Variants in CHRM3 observed in about 807,000 individuals in gnomAD.
CHRM3 encodes the protein cholinergic receptor muscarinic 3.
CHRM3 carries 11 observed loss-of-function variants against 41.8 expected under a neutral mutation model. The observed-to-expected ratio is 0.26, with a 90% CI of 0.17 to 0.44. The LOEUF (loss-of-function observed/expected upper bound fraction) is 0.44, where lower values mean the gene tolerates loss of function less well. Ranked by LOEUF, CHRM3 falls within the 20% of genes least tolerant of loss-of-function variation. The probability of loss-of-function intolerance (pLI) is 1.00; values close to 1 mark genes in which losing one functional copy is unlikely to be tolerated. For missense variants in CHRM3, 571 were observed against 745.4 expected, an observed-to-expected ratio of 0.77 and a Z score of 2.72; for synonymous variants, 297 against 301.4, an observed-to-expected ratio of 0.99 and a Z score of 0.15.
intron 5 of CHRM3, chr1:239,704,972 A>C (rs1007967926): frequency 2.6e-5 from 4 of 152,254 alleles, no homozygotes; most frequent in African/African-American, 9.6e-5. Context: ...AGGCCAAGAC[A>C]GGAGGATGAC....
At chr1:239,794,776 A>G (rs1309582911) in intron 5 of CHRM3, among the ~76,000 whole-genome samples, 1 of 152,170 alleles carries the variant, frequency 6.6e-6, no homozygotes, top group Non-Finnish European at 1.5e-5. Context: ...TAAGTAATTT[A>G]TTTTACATTG....
At chr1:239,652,978 A>G (rs928895167) in intron 4 of CHRM3, among the ~76,000 whole-genome samples, 6 of 152,214 alleles carry the variant, frequency 3.9e-5, no homozygotes, top group Admixed American at 1.3e-4. Flanking sequence ...ATAATAATAT[A>G]TGGTCTAAAT....
intron 3 of CHRM3, among the ~76,000 whole-genome samples, chr1:239,625,127 C>G (rs1395031412): frequency 1.7e-5 from 1 of 58,782 alleles, no homozygotes; most frequent in Non-Finnish European, 3.0e-5. Context: ...TCTTCCCACC[C>G]ATGAGCATGG....
At chr1:239,775,937 T>C (rs1044117887) in intron 5 of CHRM3, among the ~76,000 whole-genome samples, 4 of 152,220 alleles carry the variant, frequency 2.6e-5, no homozygotes, top group East Asian at 3.8e-4. Flanking sequence ...GATTATAGTG[T>C]AACATTGTGG....
intron 1 of CHRM3, among the ~76,000 whole-genome samples, chr1:239,444,756 C>T (rs1163675270): frequency 1.3e-5 from 2 of 151,802 alleles, no homozygotes; most frequent in African/African-American, 2.4e-5. Flanking sequence ...GAGATGAAGA[C>T]AAAAAAATTA....
intron 1 of CHRM3, among the ~76,000 whole-genome samples, chr1:239,466,204 A>G (rs1188776907): frequency 1.3e-5 from 2 of 152,150 alleles, no homozygotes; most frequent in Non-Finnish European, 2.9e-5. Flanking sequence ...CATGTTGGCC[A>G]GGGTGGCCTT....
intron 3 of CHRM3, among the ~76,000 whole-genome samples, chr1:239,592,783 C>G (rs1415363268): frequency 6.6e-6 from 1 of 152,006 alleles, no homozygotes; most frequent in Non-Finnish European, 1.5e-5. Flanking sequence ...AATAACGTGG[C>G]TATTAGCATT....
At chr1:239,809,572 A>G (rs1236178515) in intron 5 of CHRM3, among the ~76,000 whole-genome samples, 4 of 152,004 alleles carry the variant, frequency 2.6e-5, no homozygotes, top group Admixed American at 2.6e-4. Context: ...ATCACAGCTC[A>G]CTACAGCCTC....
At chr1:239,760,769 T>C (rs1338795336) in intron 5 of CHRM3, among the ~76,000 whole-genome samples, 1 of 152,218 alleles carries the variant, frequency 6.6e-6, no homozygotes, top group Non-Finnish European at 1.5e-5. Context: ...ATAATTTGCA[T>C]TTTTTCTCTG....
intron 6 of CHRM3, among the ~76,000 whole-genome samples, chr1:239,887,810 G>C (rs1389035956): frequency 6.6e-6 from 1 of 152,020 alleles, no homozygotes; most frequent in Non-Finnish European, 1.5e-5. Flanking sequence ...AGCTAATAAA[G>C]CTGAAACTTC....
intron 5 of CHRM3, among the ~76,000 whole-genome samples, chr1:239,702,979 G>A (rs1660823436): frequency 6.6e-6 from 1 of 152,086 alleles, no homozygotes; most frequent in Admixed American, 6.6e-5. Flanking sequence ...CCCACAGACT[G>A]CTATTCCACT....
At chr1:239,866,174 C>G (rs929826358) in intron 6 of CHRM3, among the ~76,000 whole-genome samples, 20 of 152,026 alleles carry the variant, frequency 1.3e-4, no homozygotes, top group South Asian at 4.2e-4. Context: ...TCAGGAGATC[C>G]AGACCATCCT....
chr1:239,769,514 G>A (rs1296756888), intron 5 of CHRM3, among the ~76,000 whole-genome samples: 1 of 152,210 alleles, frequency 6.6e-6, no homozygotes, highest in African/African-American at 2.4e-5. Context: ...TCCCAAAAGA[G>A]TCGTGACATT....
chr1:239,824,999 T>A (rs1266852808), intron 5 of CHRM3, among the ~76,000 whole-genome samples: 3 of 152,246 alleles, frequency 2.0e-5, no homozygotes, highest in Non-Finnish European at 2.9e-5. Context: ...ATGCATTCAT[T>A]CATGTATTTA....
At chr1:239,479,595 G>A (rs1236425496) in intron 1 of CHRM3, among the ~76,000 whole-genome samples, 1 of 152,136 alleles carries the variant, frequency 6.6e-6, no homozygotes, top group African/African-American at 2.4e-5. Flanking sequence ...ACTTACACAA[G>A]CCAAGATGGT....
chr1:239,737,030 C>A (rs1249682700), intron 5 of CHRM3, among the ~76,000 whole-genome samples: 1 of 152,050 alleles, frequency 6.6e-6, no homozygotes, highest in Admixed American at 6.6e-5. Flanking sequence ...ATTTAAGGGA[C>A]TTTTCTATCC....
At chr1:239,424,330 T>C (rs1558213347) in intron 1 of CHRM3, among the ~76,000 whole-genome samples, 3 of 152,100 alleles carry the variant, frequency 2.0e-5, no homozygotes, top group Admixed American at 1.3e-4. Context: ...CATTAATGAA[T>C]ATTTATTGAA....
chr1:239,583,618 T>C (rs1300697193), intron 3 of CHRM3, among the ~76,000 whole-genome samples: 2 of 152,164 alleles, frequency 1.3e-5, no homozygotes, highest in African/African-American at 2.4e-5. Flanking sequence ...AATTTACTAG[T>C]TCTGACTTGC....
chr1:239,867,685 C>CAAAA (rs36006087), intron 6 of CHRM3, among the ~76,000 whole-genome samples: 2 of 134,842 alleles, frequency 1.5e-5, no homozygotes. Context: ...GACTCTGTCT[C>CAAAA]AAAAAAAAAA....
Sources: allele counts gnomAD v4.1 joint callset (sites outside exome capture counted in the v4.1 genomes callset), GRCh38; gene constraint gnomAD v4.1.1; transcripts MANE v1.5; gene names NCBI Gene and HGNC (gene_info 2026-07-23, HGNC 2026-07-21).